PDE1A: variants seen among roughly 807,000 people sequenced by gnomAD.
The protein encoded by PDE1A is dual specificity calcium/calmodulin-dependent 3',5'-cyclic nucleotide phosphodiesterase 1A.
A neutral mutation model predicts 61.7 loss-of-function variants in PDE1A; 35 were observed. That is an observed-to-expected ratio of 0.57 (90% CI 0.43 to 0.75). The LOEUF (loss-of-function observed/expected upper bound fraction) is 0.75, where lower values mean the gene tolerates loss of function less well. Among genes scored for constraint, PDE1A ranks in the 30% least tolerant of loss-of-function variants. The pLI, the probability that PDE1A is intolerant of heterozygous loss-of-function variation, is 0.00. For missense variants in PDE1A, 597 were observed against 630.6 expected (o/e 0.95, Z 0.57); for synonymous variants, 232 against 213.2 (o/e 1.09, Z -0.77).
At chr2:182,572,252 G>A in the PDE1A span, among the ~76,000 whole-genome samples, 3 of 152,162 alleles carry the variant, frequency 2.0e-5, no homozygotes, top group Non-Finnish European at 2.9e-5. Context: ...ACAAGGGAAG[G>A]AAGAGCTTTC....
At chr2:182,243,833 G>A (rs1375680203) in intron 2 of PDE1A, among the ~76,000 whole-genome samples, 2 of 152,050 alleles carry the variant, frequency 1.3e-5, no homozygotes, top group Non-Finnish European at 2.9e-5. Context: ...ATAAACATAT[G>A]GCTCAAAGTC....
chr2:182,491,348 G>A (rs1310857041), intron 2 of PDE1A, among the ~76,000 whole-genome samples: 1 of 152,180 alleles, frequency 6.6e-6, no homozygotes, highest in Non-Finnish European at 1.5e-5. Context: ...GTATGCAAGT[G>A]AGGGATATAA....
chr2:182,451,966 G>A (rs62188290), intron 2 of PDE1A, among the ~76,000 whole-genome samples: 23,383 of 151,898 alleles, frequency 0.15, 2,077 homozygotes, highest in Middle Eastern at 0.28. Flanking sequence ...CAAAAAGACA[G>A]ACACATTTTC....
At chr2:182,456,603 C>G (rs1373694047) in intron 2 of PDE1A, among the ~76,000 whole-genome samples, 1 of 151,982 alleles carries the variant, frequency 6.6e-6, no homozygotes, top group Non-Finnish European at 1.5e-5. Context: ...ACCGTGAGTA[C>G]AACAGCTACA....
rs1007581872 is a variant in PDE1A, at chr2:182,507,202, GA to G, written c.101+15073del. 9.2e-4 allele frequency among the ~76,000 whole-genome samples: 137 copies of G among 148,498 alleles called. 1 individual carries two copies. Among genetic ancestry groups the G allele is most frequent in the Non-Finnish European group, 8.4e-4 (56 of 66,834 alleles). On this transcript the variant is annotated intron_variant, in intron 2 of 14. Coordinates refer to the PDE1A transcript ENST00000410103. Reference sequence around the variant, plus strand: ...AAAGTAGTAACCACAGTAATAGGTAGAAAAAAAAAACTTTAGAAACCAGAGA... The same window carrying G: ...AAAGTAGTAACCACAGTAATAGGTAGAAAAAAAAACTTTAGAAACCAGAGA...
the PDE1A span, among the ~76,000 whole-genome samples, chr2:182,599,158 C>A: frequency 2.6e-5 from 4 of 152,134 alleles, no homozygotes; most frequent in African/African-American, 4.8e-5. Flanking sequence ...GAAGGCCCCC[C>A]CTACCCTCAC....
chr2:182,479,352 G>T (rs558537898), intron 2 of PDE1A, among the ~76,000 whole-genome samples: 1 of 151,982 alleles, frequency 6.6e-6, no homozygotes, highest in Non-Finnish European at 1.5e-5. Context: ...TACCACGTTG[G>T]CAATCATAAC....
intron 2 of PDE1A, among the ~76,000 whole-genome samples, chr2:182,481,693 G>T (rs1000655141): frequency 6.6e-6 from 1 of 151,946 alleles, no homozygotes; most frequent in Non-Finnish European, 1.5e-5. Context: ...CAAGAAAAAT[G>T]AATATGTGGG....
At chr2:182,242,637 C>T (rs1222967135) in intron 2 of PDE1A, among the ~76,000 whole-genome samples, 4 of 152,140 alleles carry the variant, frequency 2.6e-5, no homozygotes, top group Admixed American at 2.6e-4. Flanking sequence ...GCAGATTACC[C>T]TCTAAATTAT....
the PDE1A span, among the ~76,000 whole-genome samples, chr2:182,646,388 G>T: frequency 1.2e-4 from 11 of 92,718 alleles, no homozygotes; most frequent in South Asian, 1.4e-3. Context: ...GGAGGTGAAG[G>T]TTCAAAAAAA....
chr2:182,680,343 T>G, the PDE1A span, among the ~76,000 whole-genome samples: 1 of 152,026 alleles, frequency 6.6e-6, no homozygotes, highest in African/African-American at 2.4e-5. Flanking sequence ...CCCAAGTAGC[T>G]GGGACTACAG....
intron 1 of PDE1A, among the ~76,000 whole-genome samples, chr2:182,269,056 ATTG>A (rs1262238293): frequency 2.0e-5 from 3 of 152,298 alleles, no homozygotes; most frequent in African/African-American, 4.8e-5. Flanking sequence ...AAAAATGTTG[ATTG>A]TTATTATACA....
chr2:182,517,533 G>A (rs1396739392), intron 2 of PDE1A, among the ~76,000 whole-genome samples: 1 of 152,188 alleles, frequency 6.6e-6, no homozygotes, highest in Non-Finnish European at 1.5e-5. Flanking sequence ...GAATCCAAGA[G>A]CAAATCCAAT....
chr2:182,336,579 G>T (rs1256114418), intron 1 of PDE1A, among the ~76,000 whole-genome samples: 1 of 152,098 alleles, frequency 6.6e-6, no homozygotes, highest in Non-Finnish European at 1.5e-5. Context: ...GAGAACACAT[G>T]GACATAAGGA....
chr2:182,633,690 T>C, the PDE1A span, among the ~76,000 whole-genome samples: 3 of 152,202 alleles, frequency 2.0e-5, no homozygotes, highest in African/African-American at 7.2e-5. Context: ...TTCTCTTAAA[T>C]ATTTCTAATC....
intron 1 of PDE1A, among the ~76,000 whole-genome samples, chr2:182,399,504 T>C (rs1475278906): frequency 1.3e-5 from 2 of 152,116 alleles, no homozygotes; most frequent in African/African-American, 4.8e-5. Flanking sequence ...TACATTAGTA[T>C]GTAAGTTTAA....
intron 1 of PDE1A, among the ~76,000 whole-genome samples, chr2:182,320,397 AT>A (rs1195832088): frequency 6.6e-6 from 1 of 152,128 alleles, no homozygotes; most frequent in Non-Finnish European, 1.5e-5. Context: ...TGAAGAGGAA[AT>A]TTGCCAAAGA....
chr2:182,533,020 A>G, the PDE1A span, among the ~76,000 whole-genome samples: 1 of 148,380 alleles, frequency 6.7e-6, no homozygotes, highest in South Asian at 2.2e-4. Context: ...AAGTTGTTAA[A>G]AAGCAAAGAA....
At chr2:182,591,991 A>T in the PDE1A span, among the ~76,000 whole-genome samples, 2,611 of 152,302 alleles carry the variant, frequency 0.017, 50 homozygotes, top group Non-Finnish European at 0.026. Flanking sequence ...TGCACTCCTG[A>T]TTAGATTCTT....
Sources: gnomAD v4.1 joint callset for allele counts (sites outside exome capture counted in the v4.1 genomes callset) on GRCh38, gnomAD v4.1.1 for gene constraint, MANE v1.5 for transcripts, NCBI Gene and HGNC (gene_info 2026-07-23, HGNC 2026-07-21) for gene names.